The following MICAL1 variants were observed in gnomAD, a reference collection of about 807,000 sequenced individuals.
MICAL1 encodes the protein [F-actin]-monooxygenase MICAL1.
A neutral mutation model predicts 131.8 loss-of-function variants in MICAL1; 95 were observed. The observed-to-expected ratio is 0.72, with a 90% CI of 0.61 to 0.86. The LOEUF is 0.86. MICAL1 is among the 40% of genes least tolerant of loss of function. The probability of loss-of-function intolerance (pLI) is 0.00; values close to 1 mark genes in which losing one functional copy is unlikely to be tolerated. For synonymous variants in MICAL1, 546 were observed against 554.2 expected (o/e 0.99, Z 0.21); for missense variants, 1,292 against 1,380.6 (o/e 0.94, Z 1.02).
At chr6:109,455,833 C>T, upstream of MICAL1, 1 of 985,552 alleles carries the variant, frequency 1.0e-6, no homozygotes, top group Non-Finnish European at 1.2e-6. This position sits in a 1 kb window ranked among gnomAD's most constrained non-coding sequence, Gnocchi z 4.7. Flanking sequence ...GGCGGGGATG[C>T]TGGGATGCGG....
intron 1 of MICAL1, chr6:109,463,836 T>G (rs1775967267): frequency 6.6e-6 from 1 of 152,250 alleles, no homozygotes; most frequent in Non-Finnish European, 1.5e-5. Context: ...TTCACCTGCT[T>G]CTTTTTATGT....
In MICAL1 at chr6:109,447,906, A is replaced by G. The variant is rs1345582054; in HGVS notation, c.1913T>C (p.Leu638Pro). 6 of 1,613,174 alleles carry G rather than the reference A, an allele frequency of 3.7e-6. No homozygotes were observed. In the East Asian group the frequency reaches 1.3e-4, roughly 36 times the overall value. ...CCGGGATCGCTGCAGGGTCCTCTGAAGTTTACTAAGGAATAATACAGCACT... is the reference window on the plus strand; with the variant it reads ...CCGGGATCGCTGCAGGGTCCTCTGAGGTTTACTAAGGAATAATACAGCACT... ...TSSAVLFLSK[L>P]QRTLQRSRAK... The change falls in exon 14 of 25, where the codon CTT becomes CCT. Residue 638 changes from leucine (L) to proline (P), a missense_variant. By Grantham distance (98) the Leu-to-Pro change is moderately conservative. Transcript: ENST00000358807.
intron 1 of MICAL1, among the ~76,000 whole-genome samples, chr6:109,462,106 G>C (rs1490635816): frequency 6.6e-6 from 1 of 152,226 alleles, no homozygotes; most frequent in Non-Finnish European, 1.5e-5. Context: ...CAGCATCTCA[G>C]AATGGGATTG....
In MICAL1 at chr6:109,453,936, C is replaced by T; in HGVS notation, c.258+3G>A. 1.9e-6 allele frequency: 3 copies of T among 1,612,422 alleles called. No homozygotes were observed. The highest frequency in any genetic ancestry group is 2.5e-6 in the Non-Finnish European group (3 of 1,178,842). The stretch of plus-strand genomic sequence containing the variant: ...CACCCCATCCCAGGCACCGTGTATC[C>T]ACCTTGGTGCTGGTGCAGGCCCGGC... On this transcript the variant is annotated splice_donor_region_variant and intron_variant, in intron 2 of 24. Coordinates refer to ENST00000358807, the MANE Select transcript of MICAL1 (RefSeq NM_022765.4).
At chr6:109,454,305 G>T (rs1017873489) in intron 1 of MICAL1, 66 bp from the exon 2 acceptor site, 35 of 1,437,012 alleles carry the variant, frequency 2.4e-5, no homozygotes, top group Non-Finnish European at 3.1e-5. Context: ...AAGGGGAGGC[G>T]AAGAGAGCAG....
chr6:109,462,272 C>T (rs1775907922), intron 1 of MICAL1, among the ~76,000 whole-genome samples: 2 of 152,186 alleles, frequency 1.3e-5, no homozygotes, highest in Non-Finnish European at 2.9e-5. Context: ...ACCCCACTGA[C>T]ACGTTGATCT....
intron 9 of MICAL1, 29 bp from the exon 10 acceptor site, chr6:109,449,812 C>T (rs367804721): frequency 6.2e-5 from 99 of 1,596,180 alleles, no homozygotes; most frequent in Middle Eastern, 1.7e-4. Context: ...GGGGCAGGGG[C>T]ATGAATGGGA....
At chr6:109,445,997 G>A in intron 19 of MICAL1, 135 bp from the exon 20 acceptor site, 2 of 1,484,018 alleles carry the variant, frequency 1.3e-6, no homozygotes, top group Non-Finnish European at 1.8e-6. Flanking sequence ...GAGGAACTGA[G>A]AAGAATGGAG....
rs372459200 is a variant in MICAL1 at position 109,453,804 on chromosome 6, A to G, written c.300T>C (p.Ala100=). 1.4e-5 allele frequency: 22 copies of G among 1,613,576 alleles called. No homozygotes were observed. Among genetic ancestry groups the G allele is most frequent in the Non-Finnish European group, 1.5e-5 (18 of 1,180,026 alleles). Residue 100 remains alanine (A), a synonymous_variant, in exon 3 of 25, where the codon GCT becomes GCC. Coordinates refer to ENST00000358807, the MANE Select transcript of MICAL1 (RefSeq NM_022765.4). The stretch of plus-strand genomic sequence containing the variant: ...GGGCCCCCAGCAGCGCCAGCTCCAC[A>G]GCGACCCGCAGCCCGCAAGGTCCAG... ...VGAGPCGLRV[A]VELALLGARV... is the part of the protein sequence containing the mutation.
chr6:109,453,702 G>A lies in MICAL1; in HGVS notation c.402C>T (p.Asp134=), dbSNP rs1245522810. 1 of 1,613,832 alleles carries A rather than the reference G, an allele frequency of 6.2e-7. No homozygotes were observed. The highest frequency in any genetic ancestry group is 8.5e-7 in the Non-Finnish European group (1 of 1,180,012). The change falls in exon 3 of 25, where the codon GAC becomes GAT. Residue 134 remains aspartate (D), a synonymous_variant. Coordinates refer to ENST00000358807, the MANE Select transcript of MICAL1 (RefSeq NM_022765.4). ...ACTTCTTAGCACCGAGTGCCCGCAG[G>A]TCGTGGATGGTGAAGGGCCAGAGGT... ...VLHLWPFTIH[D]LRALGAKKFY...
In MICAL1 at chr6:109,449,540, G is replaced by A. The variant is rs549074311; in HGVS notation, c.1435-59C>T. The A allele has an allele frequency of 1.4e-5, 22 of 1,609,560 alleles. 1 individual carries two copies. In the African/African-American group the frequency reaches 2.8e-4, roughly 20 times the overall value. On this transcript the variant is annotated intron_variant, in intron 10 of 24. Coordinates refer to ENST00000358807, the MANE Select transcript of MICAL1 (RefSeq NM_022765.4). ...TGGCCACACAGCCCCTGAGTCCAGG[G>A]GTAAGGGCCTGCCGGGGGTAGGATT...
In MICAL1 at chr6:109,452,261, G is replaced by T. The variant is rs1261949117; in HGVS notation, c.817C>A (p.Leu273Ile). 1.9e-6 allele frequency: 3 copies of T among 1,613,552 alleles called. No homozygotes were observed. Among genetic ancestry groups the T allele is most frequent in the Non-Finnish European group, 2.5e-6 (3 of 1,179,574 alleles). Reference protein sequence around the residue: ...RIYNQSFFQSLLKATGIDLEN... With the variant: ...RIYNQSFFQSILKATGIDLEN... The stretch of plus-strand genomic sequence containing the variant: ...GGTCCCTGACCTGTGGCTTTGAGAA[G>T]GCTCTGGAAGAAGCTCTGGTTGTAG... The change falls in exon 6 of 25, where the codon CTT (leucine) becomes ATT (isoleucine). Residue 273 changes from leucine (L) to isoleucine (I), a missense_variant. Physicochemically the swap from Leu to Ile is conservative, Grantham distance 5. Transcript: ENST00000358807.
chr6:109,455,834 T>TGGGATGCG, upstream of MICAL1: 1 of 985,048 alleles, frequency 1.0e-6, no homozygotes, highest in Non-Finnish European at 1.2e-6. The surrounding 1 kb of genome is among the most constrained non-coding windows in gnomAD (Gnocchi z 4.7). Flanking sequence ...GCGGGGATGC[T>TGGGATGCG]GGGATGCGGG....
chr6:109,453,610 C>A, intron 3 of MICAL1, 28 bp downstream of exon 3: 1 of 1,563,968 alleles, frequency 6.4e-7, no homozygotes, highest in Non-Finnish European at 8.7e-7. Flanking sequence ...AGCTCACCCG[C>A]CCCTCCAGGC....
In MICAL1 at chr6:109,450,520, T is replaced by A. The variant is rs769937369; in HGVS notation, c.971A>T (p.Asn324Ile). 2 of 1,612,098 alleles carry A rather than the reference T, an allele frequency of 1.2e-6. No homozygotes were observed. The highest frequency in any genetic ancestry group is 4.5e-5 in the East Asian group (2 of 44,824). ...PDTNRLLGSA[N>I]VVPEALQRFT... ...GCGCTGCAGAGCCTCGGGCACCACATTGGCACTGCCCAGCAGCCGATTGGT... is the reference window on the plus strand; with the variant it reads ...GCGCTGCAGAGCCTCGGGCACCACAATGGCACTGCCCAGCAGCCGATTGGT... Residue 324 changes from asparagine (N) to isoleucine (I), a missense_variant, in exon 8 of 25, where the codon AAT (asparagine) becomes ATT (isoleucine). Physicochemically the swap from Asn to Ile is moderately radical, Grantham distance 149. Transcript: ENST00000358807.
At chr6:109,449,828 C>T (rs756288691) in intron 9 of MICAL1, 45 bp from the exon 10 acceptor site, 1 of 1,587,838 alleles carries the variant, frequency 6.3e-7, no homozygotes, top group African/African-American at 1.3e-5. Flanking sequence ...TGGGAGGGCA[C>T]CTGTCAGCAC....
chr6:109,458,660 A>G (rs1000178060), upstream of MICAL1, among the ~76,000 whole-genome samples: 1 of 152,216 alleles, frequency 6.6e-6, no homozygotes, highest in Non-Finnish European at 1.5e-5. Flanking sequence ...GCAGTAGCCT[A>G]GGTTAAAACC....
intron 10 of MICAL1, 44 bp downstream of exon 10, chr6:109,449,613 G>A (rs1196599425): frequency 5.6e-6 from 9 of 1,592,930 alleles, no homozygotes; most frequent in African/African-American, 1.3e-5. Context: ...CCTGGGGGAA[G>A]GGGGTTGGCT....
intron 7 of MICAL1, among the ~76,000 whole-genome samples, chr6:109,451,152 C>CT (rs34927673): frequency 9.2e-4 from 124 of 134,486 alleles, no homozygotes; most frequent in Non-Finnish European, 1.1e-3. Context: ...CAGGGGAGAA[C>CT]TTTTTTTTTT....
Sources: allele counts gnomAD v4.1 joint callset (sites outside exome capture counted in the v4.1 genomes callset), GRCh38; gene constraint gnomAD v4.1.1; non-coding constraint Gnocchi (gnomAD v3.1); transcripts MANE v1.5; gene names NCBI Gene and HGNC (gene_info 2026-07-23, HGNC 2026-07-21).